Variants in TTC7B observed in about 807,000 individuals in gnomAD.
The protein encoded by TTC7B is tetratricopeptide repeat domain 7B.
In TTC7B, 28 loss-of-function variants were observed where a neutral mutation model predicts 106.8. That is an observed-to-expected ratio of 0.26 (90% CI 0.19 to 0.36). The LOEUF (loss-of-function observed/expected upper bound fraction) is 0.36. Among genes scored for constraint, TTC7B ranks in the 10% least tolerant of loss-of-function variants. TTC7B has a pLI of 1.00. For synonymous variants in TTC7B, 405 were observed against 430.6 expected (o/e 0.94, Z 0.74); for missense variants, 862 against 1,076.4 (o/e 0.80, Z 2.79).
At chr14:90,794,587 C>T (rs1014655925) in intron 1 of TTC7B, among the ~76,000 whole-genome samples, 21 of 151,992 alleles carry the variant, frequency 1.4e-4, no homozygotes, top group Non-Finnish European at 2.9e-4. Context: ...AAGGGGGAAC[C>T]GTCAGGGGAG....
At chr14:90,784,485 A>G (rs962380155) in intron 2 of TTC7B, among the ~76,000 whole-genome samples, 1 of 151,926 alleles carries the variant, frequency 6.6e-6, no homozygotes, top group Non-Finnish European at 1.5e-5. Flanking sequence ...TGAGCGCGGG[A>G]GGCAGAGCTT....
At chr14:90,587,025 T>G (rs2139814938) in intron 18 of TTC7B, among the ~76,000 whole-genome samples, 1 of 152,288 alleles carries the variant, frequency 6.6e-6, no homozygotes, top group East Asian at 1.9e-4. Context: ...CTCCTCTTCA[T>G]CTCCATTGAG....
chr14:90,674,351 G>C (rs1422920625), intron 9 of TTC7B, among the ~76,000 whole-genome samples: 1 of 152,236 alleles, frequency 6.6e-6, no homozygotes, highest in Non-Finnish European at 1.5e-5. Context: ...GAGATGCTGT[G>C]AGCTTTCATC....
chr14:90,599,591 T>C (rs1027935464), intron 17 of TTC7B, among the ~76,000 whole-genome samples: 20 of 152,344 alleles, frequency 1.3e-4, no homozygotes, highest in African/African-American at 4.8e-4. Flanking sequence ...GGGGGAACGA[T>C]GGCACGTGGC....
At chr14:90,788,747 G>A (rs1484013979) in intron 1 of TTC7B, among the ~76,000 whole-genome samples, 4 of 150,130 alleles carry the variant, frequency 2.7e-5, no homozygotes, top group Non-Finnish European at 5.9e-5. Flanking sequence ...GGCAGATCAC[G>A]AGGTCAAGAG....
rs182044862 is a variant in TTC7B, at chr14:90,716,753, T to C, written c.698+13322A>G. ...TCAGAAAAAATATAGCTTTAGATTCTTCCTGGTATTTTAACTGCTTATTTC... is the reference window on the plus strand; with the variant it reads ...TCAGAAAAAATATAGCTTTAGATTCCTCCTGGTATTTTAACTGCTTATTTC... On this transcript the variant is annotated intron_variant, in intron 5 of 19. Transcript: ENST00000328459. 6.5e-3 allele frequency among the ~76,000 whole-genome samples: 995 copies of C among 152,340 alleles called. 18 individuals are homozygous for C. The highest frequency in any genetic ancestry group is 0.023 in the African/African-American group (937 of 41,566).
chr14:90,693,033 G>A (rs1237304526), intron 6 of TTC7B, among the ~76,000 whole-genome samples: 1 of 151,944 alleles, frequency 6.6e-6, no homozygotes, highest in Non-Finnish European at 1.5e-5. Flanking sequence ...AAACTCTGCA[G>A]ACACCACAAT....
rs549222406 is a variant in TTC7B at position 90,806,922 on chromosome 14, G to A, written c.121+9253C>T. Among the ~76,000 whole-genome samples the A allele has an allele frequency of 3.3e-5, 5 of 152,002 alleles. No individual in the cohort carries two copies. In the East Asian group the frequency reaches 9.7e-4, roughly 29 times the overall value. Reference sequence around the variant, plus strand: ...ACCCTATCTCAAAAACAAAAAGAGTGAGGCTCAGAGAAGTTAAGTCACTCA... The same window carrying A: ...ACCCTATCTCAAAAACAAAAAGAGTAAGGCTCAGAGAAGTTAAGTCACTCA... On this transcript the variant is annotated intron_variant, in intron 1 of 19. Coordinates refer to ENST00000328459, the MANE Select transcript of TTC7B (RefSeq NM_001010854.2).
At chr14:90,610,657 G>A (rs528193637) in intron 17 of TTC7B, 85 bp downstream of exon 17, 25 of 981,814 alleles carry the variant, frequency 2.5e-5, no homozygotes, top group African/African-American at 1.8e-4. Context: ...ACCCCAACCC[G>A]ATCAGTCTCA....
chr14:90,618,295 G>A (rs1255452063), intron 15 of TTC7B, among the ~76,000 whole-genome samples: 1 of 152,210 alleles, frequency 6.6e-6, no homozygotes, highest in African/African-American at 2.4e-5. Flanking sequence ...AAGCATTAGA[G>A]TGGCCAATTT....
intron 15 of TTC7B, among the ~76,000 whole-genome samples, chr14:90,641,356 G>T (rs1196226518): frequency 6.6e-6 from 1 of 152,184 alleles, no homozygotes; most frequent in East Asian, 1.9e-4. Flanking sequence ...CTCCATCAAG[G>T]CCTGACTACC....
At chr14:90,559,188 G>C (rs1417438181) in intron 19 of TTC7B, among the ~76,000 whole-genome samples, 2 of 152,262 alleles carry the variant, frequency 1.3e-5, no homozygotes, top group Non-Finnish European at 2.9e-5. Flanking sequence ...CACCTGCCAT[G>C]TATGGGTCAG....
At chr14:90,644,013 T>A in intron 15 of TTC7B, 35 bp downstream of exon 15, 1 of 1,613,592 alleles carries the variant, frequency 6.2e-7, no homozygotes, top group Non-Finnish European at 8.5e-7. Context: ...TAATAACTTC[T>A]GAGTAAGGGA....
chr14:90,774,127 G>A (rs1387077145), intron 3 of TTC7B, among the ~76,000 whole-genome samples: 1 of 152,180 alleles, frequency 6.6e-6, no homozygotes, highest in Non-Finnish European at 1.5e-5. Flanking sequence ...GATCAAGGAT[G>A]AGAATGTGAT....
intron 16 of TTC7B, among the ~76,000 whole-genome samples, chr14:90,616,193 G>A (rs1421152942): frequency 2.0e-5 from 3 of 152,146 alleles, no homozygotes; most frequent in African/African-American, 7.2e-5. Context: ...AAAGGAAAGC[G>A]CTCCGGCGCC....
intron 16 of TTC7B, among the ~76,000 whole-genome samples, chr14:90,615,891 G>A (rs1014678843): frequency 4.1e-4 from 62 of 152,192 alleles, no homozygotes; most frequent in Admixed American, 3.5e-3. Context: ...GGCCTCTACC[G>A]CCCACCCCAT....
chr14:90,562,792 A>G (rs957150025), intron 19 of TTC7B, among the ~76,000 whole-genome samples: 8 of 152,150 alleles, frequency 5.3e-5, no homozygotes, highest in Non-Finnish European at 1.0e-4. Context: ...GCCTTTCCAC[A>G]CTCAAACTTG....
chr14:90,801,389 C>T lies in TTC7B; in HGVS notation c.121+14786G>A, dbSNP rs556534749. 7.2e-5 allele frequency among the ~76,000 whole-genome samples: 11 copies of T among 152,182 alleles called. No individual in the cohort carries two copies. In the East Asian group the frequency reaches 1.9e-3, roughly 27 times the overall value. On this transcript the variant is annotated intron_variant, in intron 1 of 19. Transcript: ENST00000328459. ...CCATTTCTGACTCTGACCTCCAGAA[C>T]GCTAAGAGAAGACATCTGTATTGTC...
At chr14:90,702,881 G>A (rs1888051302) in intron 5 of TTC7B, among the ~76,000 whole-genome samples, 1 of 152,194 alleles carries the variant, frequency 6.6e-6, no homozygotes, top group African/African-American at 2.4e-5. Context: ...CACGGCTTTG[G>A]GGTGGGGCAC....
Sources: allele counts gnomAD v4.1 joint callset (sites outside exome capture counted in the v4.1 genomes callset), GRCh38; gene constraint gnomAD v4.1.1; transcripts MANE v1.5; gene names NCBI Gene and HGNC (gene_info 2026-07-23, HGNC 2026-07-21).